PRKG1: variants seen among roughly 807,000 people sequenced by gnomAD.
The protein encoded by PRKG1 is protein kinase cGMP-dependent 1.
Under a neutral mutation model 88.1 loss-of-function variants are expected in PRKG1, and 35 were observed. The observed-to-expected ratio is 0.40, with a 90% CI of 0.30 to 0.53. The LOEUF is 0.53. Ranked by LOEUF, PRKG1 falls within the 20% of genes least tolerant of loss-of-function variation. PRKG1 has a pLI of 0.59. For synonymous variants in PRKG1, 303 were observed against 292.5 expected, an observed-to-expected ratio of 1.04 and a Z score of -0.37; for missense variants, 540 against 839.8, an observed-to-expected ratio of 0.64 and a Z score of 4.41.
chr10:51,660,221 A>G (rs1840264606), intron 3 of PRKG1, among the ~76,000 whole-genome samples: 1 of 151,976 alleles, frequency 6.6e-6, no homozygotes, highest in African/African-American at 2.4e-5. Flanking sequence ...GATGGTTAGA[A>G]TTGAGAATAA....
intron 3 of PRKG1, among the ~76,000 whole-genome samples, chr10:51,771,985 G>A (rs1304153613): frequency 6.6e-6 from 1 of 151,818 alleles, no homozygotes; most frequent in Non-Finnish European, 1.5e-5. Flanking sequence ...CATTGTTATG[G>A]TATTTTTATT....
intron 3 of PRKG1, among the ~76,000 whole-genome samples, chr10:51,620,209 C>T (rs1231113637): frequency 6.6e-6 from 1 of 152,090 alleles, no homozygotes; most frequent in Non-Finnish European, 1.5e-5. Context: ...CTATGAATTT[C>T]TATAAAACCC....
chr10:51,144,335 A>T (rs1845889303), intron 1 of PRKG1, among the ~76,000 whole-genome samples: 1 of 152,018 alleles, frequency 6.6e-6, no homozygotes, highest in Admixed American at 6.6e-5. Flanking sequence ...TTAAATCCTG[A>T]CTCTACCTGT....
At chr10:51,212,505 A>G (rs1232931872) in intron 2 of PRKG1, among the ~76,000 whole-genome samples, 1 of 152,218 alleles carries the variant, frequency 6.6e-6, no homozygotes, top group Non-Finnish European at 1.5e-5. Flanking sequence ...ACAGCAAAAG[A>G]AACCACCATC....
chr10:51,859,037 G>T (rs573812223), intron 4 of PRKG1, among the ~76,000 whole-genome samples: 58 of 152,210 alleles, frequency 3.8e-4, no homozygotes, highest in African/African-American at 1.3e-3. Flanking sequence ...TAGAACAAAA[G>T]CTCCTGCTTA....
chr10:52,168,178 G>A (rs998876547), intron 9 of PRKG1, among the ~76,000 whole-genome samples: 3 of 152,170 alleles, frequency 2.0e-5, no homozygotes, highest in Admixed American at 6.5e-5. Flanking sequence ...ATGGTCCAGT[G>A]GGGGACTGAG....
chr10:51,698,811 C>A, intron 3 of PRKG1: 9 of 1,614,186 alleles, frequency 5.6e-6, no homozygotes, highest in Non-Finnish European at 7.6e-6. Flanking sequence ...ATGTCCTTCA[C>A]AGGTCTTCTA....
chr10:51,895,557 G>T lies in PRKG1; in HGVS notation c.699-11950G>T, dbSNP rs1043495057. Reference sequence around the variant, plus strand: ...GAGTGGACTGATTTTGGTAGACAAAGCTTGGCTGCACCGGGAACCAGAGTC... The same window carrying T: ...GAGTGGACTGATTTTGGTAGACAAATCTTGGCTGCACCGGGAACCAGAGTC... On this transcript the variant is annotated intron_variant, in intron 4 of 17. Transcript: ENST00000373980. Among the ~76,000 whole-genome samples the T allele has an allele frequency of 3.3e-5, 5 of 152,256 alleles. No individual in the cohort carries two copies. The East Asian group carries it at 7.7e-4, about 24-fold the overall frequency.
intron 5 of PRKG1, among the ~76,000 whole-genome samples, chr10:52,021,025 G>A (rs1160596766): frequency 6.6e-6 from 1 of 152,046 alleles, no homozygotes; most frequent in Non-Finnish European, 1.5e-5. Flanking sequence ...AGTGGGTGGG[G>A]GTGAGACCTC....
intron 1 of PRKG1, among the ~76,000 whole-genome samples, chr10:51,099,331 A>G (rs578129477): frequency 1.3e-5 from 2 of 151,912 alleles, no homozygotes; most frequent in Admixed American, 1.3e-4. Flanking sequence ...ATAATTTGAC[A>G]TGGCTGTAGG....
intron 9 of PRKG1, among the ~76,000 whole-genome samples, chr10:52,204,189 C>T (rs1242695067): frequency 6.6e-6 from 1 of 152,042 alleles, no homozygotes; most frequent in African/African-American, 2.4e-5. Flanking sequence ...CAGCCTCCAC[C>T]TCCCAGGTTC....
chr10:51,824,932 C>T (rs1223306755), intron 4 of PRKG1, among the ~76,000 whole-genome samples: 1 of 152,108 alleles, frequency 6.6e-6, no homozygotes, highest in African/African-American at 2.4e-5. Context: ...AGGGACAATA[C>T]CCAAATCATA....
At position 51,370,447 on chromosome 10, in the gene PRKG1, T is replaced by G. The variant is rs145370427; in HGVS notation, c.479-97276T>G. Among the ~76,000 whole-genome samples, 7 of 151,278 alleles carry G rather than the reference T, an allele frequency of 4.6e-5. No homozygotes were observed. In the East Asian group the frequency reaches 1.4e-3, roughly 29 times the overall value. On this transcript the variant is annotated intron_variant, in intron 2 of 17. Transcript: ENST00000373980. The stretch of plus-strand genomic sequence containing the variant: ...GAAAATAATAATAATAAAATAATAA[T>G]ATGGGGTTAAGAAAGAGAGAGAGAG...
rs145508695 is a variant in PRKG1 at position 51,293,423 on chromosome 10, A to G, written c.478+140093A>G. 5.3e-5 allele frequency among the ~76,000 whole-genome samples: 8 copies of G among 152,212 alleles called. No homozygotes were observed. In the East Asian group the frequency reaches 1.4e-3, roughly 26 times the overall value. On this transcript the variant is annotated intron_variant, in intron 2 of 17. Coordinates refer to ENST00000373980, the MANE Select transcript of PRKG1 (RefSeq NM_006258.4). ...CAACCACCATTCTACTCTCATCTCT[A>G]TGAGTTCATCTATTTAAGATTTCAT...
intron 9 of PRKG1, among the ~76,000 whole-genome samples, chr10:52,172,891 A>G (rs1348233634): frequency 6.6e-6 from 1 of 152,182 alleles, no homozygotes; most frequent in Non-Finnish European, 1.5e-5. Context: ...CTTCATGTGA[A>G]CTTGAACAAG....
intron 5 of PRKG1, among the ~76,000 whole-genome samples, chr10:51,920,084 A>G (rs185906431): frequency 1.5e-3 from 236 of 152,298 alleles, no homozygotes; most frequent in African/African-American, 5.2e-3. Context: ...CTTCTGAAAT[A>G]CAAGAACTCA....
At chr10:51,138,675 GTTTTTTTTT>G (rs71459405) in intron 1 of PRKG1, among the ~76,000 whole-genome samples, 3 of 68,532 alleles carry the variant, frequency 4.4e-5, no homozygotes, top group East Asian at 9.2e-4. Context: ...ATTGAGTTTT[GTTTTTTTTT>G]TTTTTTTTTT....
intron 2 of PRKG1, among the ~76,000 whole-genome samples, chr10:51,205,957 A>C (rs1444557246): frequency 6.6e-6 from 1 of 152,186 alleles, no homozygotes; most frequent in Non-Finnish European, 1.5e-5. Flanking sequence ...CAAATAGGAG[A>C]CTGGTAAACA....
chr10:51,474,246 A>G (rs1019947599), intron 3 of PRKG1, among the ~76,000 whole-genome samples: 37 of 151,976 alleles, frequency 2.4e-4, no homozygotes, highest in Non-Finnish European at 3.7e-4. Context: ...GTCTGACACT[A>G]CTTTGCTATA....
Sources: gnomAD v4.1 joint callset for allele counts (sites outside exome capture counted in the v4.1 genomes callset) on GRCh38, gnomAD v4.1.1 for gene constraint, MANE v1.5 for transcripts, NCBI Gene and HGNC (gene_info 2026-07-23, HGNC 2026-07-21) for gene names.